Variants in DOCK2 observed in about 807,000 individuals in gnomAD.
DOCK2 encodes dedicator of cytokinesis 2.
A neutral mutation model predicts 248.9 loss-of-function variants in DOCK2; 87 were observed. The ratio of observed to expected loss-of-function variants is 0.35; its 90% CI spans 0.29 to 0.42. The LOEUF is 0.42. Ranked by LOEUF, DOCK2 falls within the 10% of genes least tolerant of loss-of-function variation. DOCK2 has a pLI of 1.00. For missense variants in DOCK2, 1,747 were observed against 2,300.2 expected, an observed-to-expected ratio of 0.76 and a Z score of 4.92; for synonymous variants, 805 against 821.6, an observed-to-expected ratio of 0.98 and a Z score of 0.35.
At chr5:169,864,951 G>A (rs1166530873) in intron 27 of DOCK2, among the ~76,000 whole-genome samples, 4 of 152,220 alleles carry the variant, frequency 2.6e-5, no homozygotes, top group Non-Finnish European at 5.9e-5. Context: ...AATGCTCAGA[G>A]TAGTGCCTGG....
At chr5:170,008,400 T>C in intron 30 of DOCK2, 97 bp from the exon 31 acceptor site, 1 of 1,299,452 alleles carries the variant, frequency 7.7e-7, no homozygotes, top group African/African-American at 1.5e-5. Flanking sequence ...TCGGCCTCTG[T>C]CTTCTGCCAT....
At chr5:169,791,961 T>C (rs967581354) in intron 25 of DOCK2, among the ~76,000 whole-genome samples, 7 of 152,158 alleles carry the variant, frequency 4.6e-5, no homozygotes, top group Non-Finnish European at 1.0e-4. Flanking sequence ...AAGACTCTAT[T>C]TGAGTATGTG....
intron 32 of DOCK2, among the ~76,000 whole-genome samples, chr5:170,010,497 A>G (rs1433782417): frequency 1.3e-5 from 2 of 152,198 alleles, no homozygotes; most frequent in Non-Finnish European, 2.9e-5. Context: ...GCAGAGTGAA[A>G]CTGACATGCC....
At chr5:169,929,553 A>T (rs1055193693) in intron 27 of DOCK2, among the ~76,000 whole-genome samples, 39 of 152,076 alleles carry the variant, frequency 2.6e-4, no homozygotes, top group Non-Finnish European at 4.9e-4. Context: ...CCTGGGCAAC[A>T]TGATGAAACC....
chr5:169,775,263 A>G (rs1765320574), intron 25 of DOCK2, among the ~76,000 whole-genome samples: 1 of 152,170 alleles, frequency 6.6e-6, no homozygotes, highest in African/African-American at 2.4e-5. Flanking sequence ...CTTTGCTACT[A>G]AGGAAGCAAG....
chr5:169,880,641 C>T (rs1284030208), intron 27 of DOCK2, among the ~76,000 whole-genome samples: 1 of 152,128 alleles, frequency 6.6e-6, no homozygotes, highest in Admixed American at 6.5e-5. Flanking sequence ...TTTGCAGTTA[C>T]AAAACACATT....
intron 30 of DOCK2, among the ~76,000 whole-genome samples, chr5:170,007,804 C>T (rs1261389040): frequency 6.6e-6 from 1 of 152,156 alleles, no homozygotes; most frequent in Non-Finnish European, 1.5e-5. Flanking sequence ...GGGGCTGTAA[C>T]TGAAACATGC....
At position 170,007,360 on chromosome 5, in the gene DOCK2, G is replaced by A. The variant is rs1424216219; in HGVS notation, c.3073-1137G>A. Among the ~76,000 whole-genome samples, 3 of 152,282 alleles carry A rather than the reference G, an allele frequency of 2.0e-5. No homozygotes were observed. In the East Asian group the frequency reaches 5.8e-4, roughly 29 times the overall value. ...GGCATCTTGCAATAATTGCCCTTGA[G>A]CACCAAAACCCTAGGCTGTATCACT... On this transcript the variant is annotated intron_variant, in intron 30 of 51. Transcript: ENST00000520908.
At chr5:169,818,655 A>G (rs1487049449) in intron 26 of DOCK2, among the ~76,000 whole-genome samples, 3 of 152,134 alleles carry the variant, frequency 2.0e-5, no homozygotes, top group Non-Finnish European at 4.4e-5. Flanking sequence ...TCTGGTGGTG[A>G]CAGAGAAGGC....
chr5:169,884,102 C>A (rs1269600536), intron 27 of DOCK2: 1 of 416,856 alleles, frequency 2.4e-6, no homozygotes, highest in East Asian at 3.4e-5. Context: ...TAATGCTTTC[C>A]CTGCAGTTAA....
At chr5:169,901,843 T>G (rs1773943430) in intron 27 of DOCK2, among the ~76,000 whole-genome samples, 1 of 152,236 alleles carries the variant, frequency 6.6e-6, no homozygotes, top group Non-Finnish European at 1.5e-5. Flanking sequence ...GTTACCACCA[T>G]GTTTGCTTGC....
intron 15 of DOCK2, 94 bp downstream of exon 15, chr5:169,708,361 T>G: frequency 8.3e-7 from 1 of 1,207,820 alleles, no homozygotes; most frequent in Non-Finnish European, 1.2e-6. Flanking sequence ...TATGTATTGC[T>G]TACAACAGCC....
chr5:169,810,800 C>T (rs769219841), intron 26 of DOCK2, among the ~76,000 whole-genome samples: 5 of 152,178 alleles, frequency 3.3e-5, no homozygotes, highest in Non-Finnish European at 7.3e-5. Flanking sequence ...AGTGCAGGAG[C>T]TCAGTCCAAA....
At chr5:169,920,967 ATT>A (rs1775142103) in intron 27 of DOCK2, among the ~76,000 whole-genome samples, 1 of 152,218 alleles carries the variant, frequency 6.6e-6, no homozygotes, top group South Asian at 2.1e-4. Flanking sequence ...TGAGATTCAT[ATT>A]GTTAGGTCTT....
chr5:169,791,408 A>G (rs999471564), intron 25 of DOCK2, among the ~76,000 whole-genome samples: 4 of 152,250 alleles, frequency 2.6e-5, no homozygotes, highest in Admixed American at 2.0e-4. Flanking sequence ...AATGCTCATT[A>G]TTGTTTAATT....
intron 15 of DOCK2, among the ~76,000 whole-genome samples, chr5:169,710,276 G>GCACCCTGGTTCCCTTGAT (rs1761501833): frequency 6.6e-6 from 1 of 152,186 alleles, no homozygotes; most frequent in Non-Finnish European, 1.5e-5. Flanking sequence ...AGGTGGGTGA[G>GCACCCTGGTTCCCTTGAT]CACCCTGGTT....
At chr5:169,668,875 G>A (rs566580765) in intron 2 of DOCK2, among the ~76,000 whole-genome samples, 6 of 152,234 alleles carry the variant, frequency 3.9e-5, no homozygotes, top group Admixed American at 2.6e-4. Flanking sequence ...TCTTTGTCCC[G>A]AAGGCAGGAA....
intron 16 of DOCK2, 55 bp downstream of exon 16, chr5:169,712,062 G>C (rs1370238585): frequency 1.7e-5 from 27 of 1,613,736 alleles, no homozygotes; most frequent in Non-Finnish European, 2.2e-5. Context: ...GAGAAGAATG[G>C]AAGAGCTGGG....
chr5:169,974,902 A>G (rs751676651), intron 27 of DOCK2, among the ~76,000 whole-genome samples: 20 of 151,758 alleles, frequency 1.3e-4, no homozygotes, highest in Non-Finnish European at 2.1e-4. Flanking sequence ...GTTCTGTGCC[A>G]TTAAAAACTG....
Sources: allele counts gnomAD v4.1 joint callset (sites outside exome capture counted in the v4.1 genomes callset), GRCh38; gene constraint gnomAD v4.1.1; transcripts MANE v1.5; gene names NCBI Gene and HGNC (gene_info 2026-07-23, HGNC 2026-07-21).